ANKMY1: variants seen among roughly 807,000 people sequenced by gnomAD.
ANKMY1 encodes the protein ankyrin repeat and MYND domain containing 1.
In ANKMY1, 98 loss-of-function variants were observed where a neutral mutation model predicts 102.0. The observed-to-expected ratio is 0.96, with a 90% CI of 0.82 to 1.14. The LOEUF (loss-of-function observed/expected upper bound fraction) is 1.14, where lower values mean the gene tolerates loss of function less well. Ranked by LOEUF, ANKMY1 falls within the 50% of genes most tolerant of loss-of-function variation. The pLI is 0.00. For missense variants in ANKMY1, 1,330 were observed against 1,347.6 expected (o/e 0.99, Z 0.20); for synonymous variants, 582 against 559.9 (o/e 1.04, Z -0.56).
At chr2:240,538,149 G>A (rs1489025245) in intron 4 of ANKMY1, among the ~76,000 whole-genome samples, 1 of 152,304 alleles carries the variant, frequency 6.6e-6, no homozygotes, top group Admixed American at 6.5e-5. Context: ...CACTCTCGGC[G>A]CCTCCTCTGA....
chr2:240,538,146 G>C (rs1477646470), intron 4 of ANKMY1, among the ~76,000 whole-genome samples: 1 of 152,190 alleles, frequency 6.6e-6, no homozygotes, highest in Admixed American at 6.5e-5. Flanking sequence ...GCTCACTCTC[G>C]GCGCCTCCTC....
Position 240,512,657 on chromosome 2 carries a change from G to A in ANKMY1, c.2145+145C>T, listed in dbSNP as rs1044517029. ...GCTAAGGTTCTCATCTGGACGGGTT[G>A]TTTCTATGCAGGATTTCCACTGCCC... On this transcript the variant is annotated intron_variant, in intron 10 of 17. Transcript: ENST00000401804. 16 of 1,156,480 alleles carry A rather than the reference G, an allele frequency of 1.4e-5. No homozygotes were observed. The Middle Eastern group carries it at 7.5e-4, about 54-fold the overall frequency. The allele number at this position is 1,156,480 out of a possible 1,614,324, so 71.6% of individuals were successfully genotyped here.
upstream of ANKMY1, chr2:240,557,992 G>A (rs2092596608): frequency 1.0e-6 from 1 of 985,414 alleles, no homozygotes; most frequent in Non-Finnish European, 1.2e-6. Flanking sequence ...CGCCTACGGA[G>A]AGCGTCGCGT....
At chr2:240,500,665 A>G in intron 13 of ANKMY1, 100 bp from the exon 14 acceptor site, 1 of 984,624 alleles carries the variant, frequency 1.0e-6, no homozygotes, top group East Asian at 2.5e-5. Context: ...TGCAGTCCCC[A>G]CCAAGGCCGC....
intron 5 of ANKMY1, among the ~76,000 whole-genome samples, chr2:240,528,826 G>A (rs748254645): frequency 1.3e-4 from 20 of 152,086 alleles, no homozygotes; most frequent in Non-Finnish European, 2.5e-4. Flanking sequence ...GACGTCCAGG[G>A]CCCCAGGACC....
chr2:240,521,490 GCTT>G (rs1442339695), intron 8 of ANKMY1, among the ~76,000 whole-genome samples: 29 of 109,754 alleles, frequency 2.6e-4, no homozygotes, highest in African/African-American at 1.0e-3. Context: ...CGGTGTTACA[GCTT>G]TTTTTTTTTT....
intron 15 of ANKMY1, among the ~76,000 whole-genome samples, chr2:240,485,768 A>T (rs917986190): frequency 3.3e-5 from 5 of 152,032 alleles, no homozygotes; most frequent in East Asian, 1.9e-4. Flanking sequence ...TTTAAAAAAA[A>T]TTTTTGTAGA....
chr2:240,500,170 C>T, intron 14 of ANKMY1, 47 bp from the exon 15 acceptor site: 1 of 1,523,926 alleles, frequency 6.6e-7, no homozygotes. Context: ...GCCCGCCCCT[C>T]ACTGCTGGGG....
intron 4 of ANKMY1, among the ~76,000 whole-genome samples, chr2:240,533,744 C>G (rs2086033002): frequency 6.6e-6 from 1 of 151,846 alleles, no homozygotes; most frequent in Admixed American, 6.6e-5. Flanking sequence ...CACACACACA[C>G]ACACACACAC....
At chr2:240,496,402 AG>A (rs2077272748) in intron 15 of ANKMY1, among the ~76,000 whole-genome samples, 1 of 105,272 alleles carries the variant, frequency 9.5e-6, no homozygotes, top group Admixed American at 1.1e-4. Flanking sequence ...ATAGATAGAT[AG>A]ATAGATAGAT....
At chr2:240,526,983 A>G (rs1400582693) in intron 5 of ANKMY1, 1 of 1,007,822 alleles carries the variant, frequency 9.9e-7, no homozygotes, top group African/African-American at 1.7e-5. Flanking sequence ...TGTACCTAAC[A>G]GTCTTCAACA....
chr2:240,537,086 CA>C (rs955198499), intron 4 of ANKMY1, among the ~76,000 whole-genome samples: 2 of 152,198 alleles, frequency 1.3e-5, no homozygotes, highest in Admixed American at 1.3e-4. Context: ...AACAGCACAG[CA>C]AGAAAAACTG....
chr2:240,545,621 A>G (rs1475873635), intron 4 of ANKMY1, among the ~76,000 whole-genome samples: 1 of 152,214 alleles, frequency 6.6e-6, no homozygotes, highest in Non-Finnish European at 1.5e-5. Flanking sequence ...AAAAAACTTT[A>G]GAAGAATGTA....
At chr2:240,486,020 A>G (rs1033851748) in intron 15 of ANKMY1, among the ~76,000 whole-genome samples, 7 of 152,208 alleles carry the variant, frequency 4.6e-5, no homozygotes, top group African/African-American at 1.7e-4. Context: ...TACACATTAC[A>G]TCTATAAAGG....
chr2:240,509,123 G>A (rs950163495), intron 12 of ANKMY1, among the ~76,000 whole-genome samples: 5 of 151,810 alleles, frequency 3.3e-5, no homozygotes, highest in African/African-American at 1.2e-4. Flanking sequence ...GTGGATGGAT[G>A]GATGGAAGAA....
intron 4 of ANKMY1, among the ~76,000 whole-genome samples, chr2:240,550,016 G>C (rs1402701467): frequency 7.2e-5 from 11 of 151,756 alleles, no homozygotes; most frequent in Non-Finnish European, 1.6e-4. Context: ...CCATTACCGG[G>C]TATATACCCA....
At chr2:240,547,794 T>A (rs370040288) in intron 4 of ANKMY1, among the ~76,000 whole-genome samples, 11,941 of 146,928 alleles carry the variant, frequency 0.081, 609 homozygotes, top group Non-Finnish European at 0.12. Flanking sequence ...ACACATACAC[T>A]CTCCCAAGAC....
At chr2:240,553,192 G>T in intron 3 of ANKMY1, 135 bp from the exon 4 acceptor site, 1 of 1,059,132 alleles carries the variant, frequency 9.4e-7, no homozygotes, top group Non-Finnish European at 1.3e-6. Context: ...AGGGATGCCT[G>T]GCATGCGACT....
intron 4 of ANKMY1, among the ~76,000 whole-genome samples, chr2:240,552,316 G>GT (rs928647208): frequency 2.6e-5 from 4 of 151,730 alleles, no homozygotes; most frequent in Admixed American, 6.6e-5. Context: ...TGCAGAGTTT[G>GT]TTTTTTTTCT....
Sources: allele counts gnomAD v4.1 joint callset (sites outside exome capture counted in the v4.1 genomes callset), GRCh38; gene constraint gnomAD v4.1.1; transcripts MANE v1.5; gene names NCBI Gene and HGNC (gene_info 2026-07-23, HGNC 2026-07-21).